Variants in WIPF3 observed in about 807,000 individuals in gnomAD.
The protein encoded by WIPF3 is WAS/WASL interacting protein family member 3.
In WIPF3, 33 loss-of-function variants were observed where a neutral mutation model predicts 38.9. The observed-to-expected ratio is 0.85, with a 90% CI of 0.64 to 1.14. The LOEUF (loss-of-function observed/expected upper bound fraction) is 1.14. Ranked by LOEUF, WIPF3 falls within the 50% of genes most tolerant of loss-of-function variation. The probability of loss-of-function intolerance (pLI) is 0.00; values close to 1 mark genes in which losing one functional copy is unlikely to be tolerated. For synonymous variants in WIPF3, 324 were observed against 269.3 expected (o/e 1.20, Z -1.99); for missense variants, 711 against 652.5 (o/e 1.09, Z -0.98).
chr7:29,887,271 T>C (rs561716439), intron 5 of WIPF3, among the ~76,000 whole-genome samples: 1 of 152,322 alleles, frequency 6.6e-6, no homozygotes, highest in East Asian at 1.9e-4. Flanking sequence ...GAGGTAGTAG[T>C]TGTGAACATC....
At chr7:29,850,596 G>T (rs993877348) in intron 2 of WIPF3, among the ~76,000 whole-genome samples, 2 of 152,198 alleles carry the variant, frequency 1.3e-5, no homozygotes, top group Admixed American at 1.3e-4. Flanking sequence ...GGTACCCGGG[G>T]ACTTCTTTAG....
chr7:29,877,400 C>T lies in WIPF3; in HGVS notation c.223+1438C>T, dbSNP rs146387212. Among the ~76,000 whole-genome samples, 11 of 152,302 alleles carry T rather than the reference C, an allele frequency of 7.2e-5. No homozygotes were observed. In the East Asian group the frequency reaches 1.7e-3, roughly 24 times the overall value. ...GTAACCTTTAATCAAAACACAGCAT[C>T]GCAGGAGACTGAAAGCCTGCCTTTG... On this transcript the variant is annotated intron_variant, in intron 3 of 8. Transcript: ENST00000242140.
At chr7:29,835,223 C>T (rs749803257) in intron 2 of WIPF3, among the ~76,000 whole-genome samples, 8 of 152,136 alleles carry the variant, frequency 5.3e-5, no homozygotes, top group Non-Finnish European at 7.3e-5. Context: ...GATTGAGCTT[C>T]AGTCCCCTAG....
At chr7:29,822,994 A>G (rs374461469) in intron 1 of WIPF3, among the ~76,000 whole-genome samples, 2 of 152,316 alleles carry the variant, frequency 1.3e-5, no homozygotes, top group Non-Finnish European at 1.5e-5. Flanking sequence ...AAAAAATTAC[A>G]TTTGGAAAAA....
chr7:29,885,418 T>C (rs1205229855), intron 5 of WIPF3, among the ~76,000 whole-genome samples: 1 of 152,214 alleles, frequency 6.6e-6, no homozygotes, highest in East Asian at 1.9e-4. Flanking sequence ...AACACACATA[T>C]TCCTTTGTCT....
intron 2 of WIPF3, among the ~76,000 whole-genome samples, chr7:29,849,954 T>C (rs1264065122): frequency 3.9e-5 from 6 of 152,240 alleles, no homozygotes; most frequent in African/African-American, 1.4e-4. Context: ...CAATCGTTTG[T>C]ATTTTCTTCT....
chr7:29,893,338 G>A (rs894346880), intron 7 of WIPF3, among the ~76,000 whole-genome samples: 6 of 152,164 alleles, frequency 3.9e-5, no homozygotes, highest in Non-Finnish European at 4.4e-5. Context: ...CAGGTGGAGC[G>A]CAGGGTATAC....
intron 2 of WIPF3, among the ~76,000 whole-genome samples, chr7:29,866,699 C>T (rs768859574): frequency 5.9e-5 from 9 of 152,264 alleles, no homozygotes; most frequent in East Asian, 1.9e-4. Context: ...CAGCCTTCTT[C>T]GGCGCTCCAC....
chr7:29,856,332 A>G, intron 2 of WIPF3, among the ~76,000 whole-genome samples: 1 of 152,210 alleles, frequency 6.6e-6, no homozygotes, highest in South Asian at 2.1e-4. Flanking sequence ...AATTCTGAGA[A>G]GTAAAAATCT....
chr7:29,894,945 TTC>T (rs1158820024), intron 7 of WIPF3, among the ~76,000 whole-genome samples: 2 of 151,924 alleles, frequency 1.3e-5, no homozygotes, highest in South Asian at 2.1e-4. Flanking sequence ...GTTGTTGTTT[TTC>T]GCTTTTGTTT....
intron 1 of WIPF3, among the ~76,000 whole-genome samples, chr7:29,827,935 A>G (rs571190371): frequency 2.8e-4 from 43 of 152,276 alleles, no homozygotes; most frequent in African/African-American, 9.6e-4. Context: ...AGCCGGAACT[A>G]CAGGTGTGCA....
chr7:29,813,920 G>A (rs1005310120), intron 1 of WIPF3, among the ~76,000 whole-genome samples: 59 of 135,206 alleles, frequency 4.4e-4, no homozygotes, highest in African/African-American at 1.5e-3. Flanking sequence ...TTTTTGGTAA[G>A]AGAATTTTTT....
intron 8 of WIPF3, among the ~76,000 whole-genome samples, chr7:29,912,943 G>T (rs1332395037): frequency 1.3e-5 from 2 of 152,166 alleles, no homozygotes; most frequent in African/African-American, 4.8e-5. Flanking sequence ...TGTTTAATGG[G>T]TACAGTCTCA....
intron 2 of WIPF3, among the ~76,000 whole-genome samples, chr7:29,838,623 A>G (rs928890486): frequency 9.2e-5 from 14 of 152,188 alleles, no homozygotes; most frequent in African/African-American, 3.4e-4. Context: ...GAGTGATGGA[A>G]ACTCTCATAC....
Position 29,837,894 on chromosome 7 carries a change from T to TTTTA in WIPF3, c.90+3097_90+3100dup, listed in dbSNP as rs201812382. On this transcript the variant is annotated intron_variant, in intron 2 of 8. Transcript: ENST00000242140. ...TTTATCTATCAGTTTAGTGAGATAT[T>TTTTA]TTTATTTATTTATTTATTTAGTTAG... 8.8e-3 allele frequency among the ~76,000 whole-genome samples: 1,347 copies of TTTTA among 152,244 alleles called. 25 individuals are homozygous for TTTTA. Among genetic ancestry groups the TTTTA allele is most frequent in the African/African-American group, 0.031 (1,270 of 41,524 alleles).
At chr7:29,817,022 A>G (rs1004412749) in intron 1 of WIPF3, among the ~76,000 whole-genome samples, 7 of 152,192 alleles carry the variant, frequency 4.6e-5, no homozygotes, top group Non-Finnish European at 8.8e-5. Context: ...ACACATACAT[A>G]TCAAACTTTT....
intron 2 of WIPF3, among the ~76,000 whole-genome samples, chr7:29,859,797 A>T (rs1184359117): frequency 6.6e-6 from 1 of 152,188 alleles, no homozygotes; most frequent in Non-Finnish European, 1.5e-5. Context: ...ACATAAGTTT[A>T]TAAGAGTGGA....
intron 8 of WIPF3, among the ~76,000 whole-genome samples, chr7:29,910,695 A>G (rs767281289): frequency 6.6e-6 from 1 of 152,190 alleles, no homozygotes; most frequent in African/African-American, 2.4e-5. Flanking sequence ...ATGCAGAAAA[A>G]GCATTTGACA....
At chr7:29,868,920 C>T (rs1488072343) in intron 2 of WIPF3, among the ~76,000 whole-genome samples, 1 of 152,168 alleles carries the variant, frequency 6.6e-6, no homozygotes, top group Non-Finnish European at 1.5e-5. Context: ...TGGTGCATTA[C>T]TGACTGATAC....
Sources: gnomAD v4.1 joint callset for allele counts (sites outside exome capture counted in the v4.1 genomes callset) on GRCh38, gnomAD v4.1.1 for gene constraint, MANE v1.5 for transcripts, NCBI Gene and HGNC (gene_info 2026-07-23, HGNC 2026-07-21) for gene names.